LRRC4C: variants seen among roughly 807,000 people sequenced by gnomAD.
The protein encoded by LRRC4C is leucine rich repeat containing 4C, also known as leucine-rich repeat-containing protein 4C.
Under a neutral mutation model 33.6 loss-of-function variants are expected in LRRC4C, and 5 were observed. The observed-to-expected ratio is 0.15, with a 90% CI of 0.08 to 0.31. The LOEUF (loss-of-function observed/expected upper bound fraction) is 0.31, where lower values mean the gene tolerates loss of function less well. LRRC4C is among the 10% of genes least tolerant of loss of function. LRRC4C has a pLI of 1.00. For synonymous variants in LRRC4C, 329 were observed against 302.0 expected (o/e 1.09, Z -0.93); for missense variants, 560 against 796.7 (o/e 0.70, Z 3.58).
chr11:41,089,378 A>G (rs188442703), intron 1 of LRRC4C, among the ~76,000 whole-genome samples: 1 of 152,066 alleles, frequency 6.6e-6, no homozygotes, highest in African/African-American at 2.4e-5. Context: ...TCATGGCACC[A>G]ATGATGCTTT....
At chr11:40,989,388 G>A (rs1853335077) in intron 1 of LRRC4C, among the ~76,000 whole-genome samples, 1 of 152,022 alleles carries the variant, frequency 6.6e-6, no homozygotes, top group African/African-American at 2.4e-5. Flanking sequence ...TCGTTTTTCA[G>A]ATGAAAAAAC....
chr11:40,498,208 C>T (rs943333703), intron 3 of LRRC4C, among the ~76,000 whole-genome samples: 1 of 152,038 alleles, frequency 6.6e-6, no homozygotes, highest in African/African-American at 2.4e-5. Context: ...AAAGTTGCCC[C>T]CTAAATAATA....
chr11:40,264,883 T>G (rs1308884712), intron 4 of LRRC4C, among the ~76,000 whole-genome samples: 1 of 152,148 alleles, frequency 6.6e-6, no homozygotes, highest in African/African-American at 2.4e-5. Flanking sequence ...GATCATCCAT[T>G]TCTACATACA....
chr11:40,581,161 C>T (rs1291906364), intron 3 of LRRC4C, among the ~76,000 whole-genome samples: 2 of 152,218 alleles, frequency 1.3e-5, no homozygotes, highest in African/African-American at 2.4e-5. Flanking sequence ...TCTGAACTGG[C>T]TAATTACACT....
At chr11:40,652,793 T>G (rs1271426500) in intron 2 of LRRC4C, among the ~76,000 whole-genome samples, 2 of 152,198 alleles carry the variant, frequency 1.3e-5, no homozygotes, top group African/African-American at 4.8e-5. Context: ...CTTTTAAGAT[T>G]TTCAGGAGGC....
intron 3 of LRRC4C, among the ~76,000 whole-genome samples, chr11:40,439,974 C>T (rs1398944190): frequency 6.6e-6 from 1 of 152,186 alleles, no homozygotes; most frequent in African/African-American, 2.4e-5. Flanking sequence ...TTGAATGCAA[C>T]CACCCCAATT....
chr11:40,986,256 G>A (rs1052180766), intron 1 of LRRC4C, among the ~76,000 whole-genome samples: 5 of 152,094 alleles, frequency 3.3e-5, no homozygotes, highest in African/African-American at 4.8e-5. Flanking sequence ...GTAAAGAAAT[G>A]TCTGACTCAT....
intron 3 of LRRC4C, among the ~76,000 whole-genome samples, chr11:40,358,623 C>T (rs946692494): frequency 6.6e-6 from 1 of 152,034 alleles, no homozygotes; most frequent in Non-Finnish European, 1.5e-5. Flanking sequence ...TACTAAGCTG[C>T]CTGCGTATTA....
intron 1 of LRRC4C, among the ~76,000 whole-genome samples, chr11:41,078,815 T>C (rs1939349092): frequency 6.6e-6 from 1 of 152,148 alleles, no homozygotes; most frequent in South Asian, 2.1e-4. Context: ...ATGCAGTCCA[T>C]AAGCAAATGT....
chr11:41,254,169 C>T (rs1479178281), intron 1 of LRRC4C, among the ~76,000 whole-genome samples: 1 of 152,014 alleles, frequency 6.6e-6, no homozygotes, highest in Admixed American at 6.6e-5. Context: ...ACAGCAACTT[C>T]ATGGATTTGA....
intron 3 of LRRC4C, among the ~76,000 whole-genome samples, chr11:40,457,148 C>A: frequency 6.8e-6 from 1 of 147,384 alleles, no homozygotes; most frequent in Non-Finnish European, 1.5e-5. Flanking sequence ...GGATATACCT[C>A]AGCAATTTTT....
At chr11:40,401,928 C>A (rs1238135522) in intron 3 of LRRC4C, among the ~76,000 whole-genome samples, 2 of 151,776 alleles carry the variant, frequency 1.3e-5, no homozygotes, top group Admixed American at 1.3e-4. Flanking sequence ...TATTAGATTT[C>A]TCTGAAATAA....
intron 2 of LRRC4C, among the ~76,000 whole-genome samples, chr11:40,724,235 A>G (rs1306972315): frequency 2.0e-5 from 3 of 152,198 alleles, no homozygotes; most frequent in Non-Finnish European, 4.4e-5. Flanking sequence ...TCTGGACTCT[A>G]TTTGACACTT....
chr11:41,229,892 G>A (rs16935452), intron 1 of LRRC4C, among the ~76,000 whole-genome samples: 16 of 151,938 alleles, frequency 1.1e-4, no homozygotes, highest in South Asian at 8.3e-4. Flanking sequence ...AAAAGCTCTC[G>A]TTTCTTGTTT....
chr11:40,961,885 G>A (rs1851001776), intron 1 of LRRC4C, among the ~76,000 whole-genome samples: 1 of 151,534 alleles, frequency 6.6e-6, no homozygotes, highest in African/African-American at 2.4e-5. Flanking sequence ...TTTAGGGTAG[G>A]GGGTGTTAAA....
At chr11:40,462,550 TAAG>T (rs1565413117) in intron 3 of LRRC4C, among the ~76,000 whole-genome samples, 1 of 152,060 alleles carries the variant, frequency 6.6e-6, no homozygotes, top group East Asian at 1.9e-4. Flanking sequence ...CCTATTGAGA[TAAG>T]AAGACAGATA....
chr11:40,211,480 A>G (rs1863603142), intron 5 of LRRC4C, among the ~76,000 whole-genome samples: 1 of 152,352 alleles, frequency 6.6e-6, no homozygotes, highest in South Asian at 2.1e-4. Context: ...GCTTCAAAAG[A>G]AGTAACTATA....
intron 5 of LRRC4C, among the ~76,000 whole-genome samples, chr11:40,235,434 T>G (rs1207127751): frequency 6.6e-6 from 1 of 152,206 alleles, no homozygotes; most frequent in Non-Finnish European, 1.5e-5. Context: ...AAACATTTAC[T>G]TAGAGGTCAT....
chr11:40,138,202 C>G (rs1041310624), intron 6 of LRRC4C, among the ~76,000 whole-genome samples: 2 of 150,004 alleles, frequency 1.3e-5, no homozygotes, highest in African/African-American at 4.9e-5. Flanking sequence ...GAGTCTTGCT[C>G]TGCCACTCAG....
Sources: allele counts gnomAD v4.1 joint callset (sites outside exome capture counted in the v4.1 genomes callset), GRCh38; gene constraint gnomAD v4.1.1; transcripts MANE v1.5; gene names NCBI Gene and HGNC (gene_info 2026-07-23, HGNC 2026-07-21).